The following HTT variants were observed in gnomAD, a reference collection of about 807,000 sequenced individuals.
HTT encodes the protein huntingtin, also known as huntington disease protein.
In HTT, 104 loss-of-function variants were observed where a neutral mutation model predicts 362.3. That is an observed-to-expected ratio of 0.29 (90% CI 0.24 to 0.34). The LOEUF (loss-of-function observed/expected upper bound fraction) is 0.34, where lower values mean the gene tolerates loss of function less well. Among genes scored for constraint, HTT ranks in the 10% least tolerant of loss-of-function variants. HTT has a pLI of 1.00. For synonymous variants in HTT, 1,577 were observed against 1,548.7 expected (o/e 1.02, Z -0.43); for missense variants, 3,301 against 3,928.6 (o/e 0.84, Z 4.27).
intron 21 of HTT, among the ~76,000 whole-genome samples, chr4:3,138,447 G>A (rs780157542): frequency 4.6e-5 from 7 of 151,860 alleles, no homozygotes; most frequent in Admixed American, 3.3e-4. Context: ...ATGCCCTTGC[G>A]TACCCACAGC....
At chr4:3,173,906 C>T (rs1048417134) in intron 31 of HTT, among the ~76,000 whole-genome samples, 2 of 152,036 alleles carry the variant, frequency 1.3e-5, no homozygotes, top group Admixed American at 6.6e-5. Flanking sequence ...CTCCTGACCT[C>T]GTGATCTGCC....
chr4:3,163,988 T>TG (rs1185233703), intron 29 of HTT, among the ~76,000 whole-genome samples: 2 of 152,204 alleles, frequency 1.3e-5, no homozygotes, highest in Non-Finnish European at 2.9e-5. Flanking sequence ...TGTTTGCTCT[T>TG]GCTTTTCTAG....
Position 3,125,684 on chromosome 4 carries a change from C to T in HTT, c.1402+55C>T. On this transcript the variant is annotated intron_variant, in intron 11 of 66. Transcript: ENST00000355072. ...GACCTTCACTGTCTGCCTTCCACCC[C>T]TTGCCCTTCCTGCTCGTCCCCCTGC... The T allele has an allele frequency of 2.4e-6, 3 of 1,257,312 alleles. No homozygotes were observed. In the South Asian group the frequency reaches 3.6e-5, roughly 15 times the overall value. The allele number at this position is 1,257,312 out of a possible 1,614,324, so 77.9% of individuals were successfully genotyped here. A position where few individuals can be genotyped will look rare whatever the true frequency, so the allele number is the denominator to read the frequency against.
intron 26 of HTT, among the ~76,000 whole-genome samples, chr4:3,153,930 A>AG: frequency 6.6e-6 from 1 of 152,256 alleles, no homozygotes; most frequent in East Asian, 1.9e-4. Flanking sequence ...AGAAAAAAAA[A>AG]ATGCTGCTTT....
chr4:3,096,532 A>G (rs187051894), intron 2 of HTT, among the ~76,000 whole-genome samples: 1 of 152,346 alleles, frequency 6.6e-6, no homozygotes, highest in Non-Finnish European at 1.5e-5. Flanking sequence ...TGACCTCAGT[A>G]TCATTAAGTT....
intron 64 of HTT, among the ~76,000 whole-genome samples, chr4:3,237,597 G>A (rs930339194): frequency 6.6e-6 from 1 of 152,106 alleles, no homozygotes; most frequent in Non-Finnish European, 1.5e-5. Context: ...GAGGCACCTC[G>A]CAGCTGACCA....
chr4:3,181,658 A>G (rs937957827), intron 36 of HTT, among the ~76,000 whole-genome samples: 2 of 152,112 alleles, frequency 1.3e-5, no homozygotes, highest in Non-Finnish European at 2.9e-5. Context: ...TATTTTAATG[A>G]ACCCCTGTAG....
chr4:3,148,344 A>C (rs970027018), intron 26 of HTT, 137 bp downstream of exon 26: 1 of 657,014 alleles, frequency 1.5e-6, no homozygotes, highest in African/African-American at 1.8e-5. Context: ...TGTGACACTA[A>C]ATTTAACATC....
chr4:3,105,024 A>AG, intron 4 of HTT, among the ~76,000 whole-genome samples: 1 of 152,206 alleles, frequency 6.6e-6, no homozygotes, highest in Non-Finnish European at 1.5e-5. Flanking sequence ...CACTGAGCAA[A>AG]CTTCACTCTG....
chr4:3,123,037 CT>C, intron 10 of HTT, 101 bp downstream of exon 10: 2 of 869,134 alleles, frequency 2.3e-6, no homozygotes, highest in East Asian at 2.5e-5. Context: ...CTGTATTGGA[CT>C]CTGTGTATAT....
At chr4:3,235,902 C>T in intron 63 of HTT, 124 bp downstream of exon 63, 2 of 818,928 alleles carry the variant, frequency 2.4e-6, no homozygotes, top group South Asian at 1.6e-5. Context: ...TTGCCCCAAG[C>T]CGGCCCCATC....
At chr4:3,101,337 C>T (rs968039774) in intron 3 of HTT, among the ~76,000 whole-genome samples, 4 of 152,128 alleles carry the variant, frequency 2.6e-5, no homozygotes, top group Non-Finnish European at 5.9e-5. Context: ...TTTCCCATGT[C>T]CTCTTCTTTG....
chr4:3,212,125 A>G lies in HTT; in HGVS notation c.6611A>G (p.Lys2204Arg). ...LPAEPAAYWS[K>R]LNDLFGDAAL... ...GCAGAGCCGGCGGCCTACTGGAGCA[A>G]GTTGAATGATCTGTTTGGTAATTAA... The change falls in exon 48 of 67, where the codon AAG (lysine) becomes AGG (arginine). Residue 2204 changes from lysine to arginine, a missense_variant. Transcript: ENST00000355072. The G allele has an allele frequency of 6.2e-7, 1 of 1,613,010 alleles. No homozygotes were observed. The highest frequency in any genetic ancestry group is 8.5e-7 in the Non-Finnish European group (1 of 1,179,046).
chr4:3,174,599 C>A, intron 31 of HTT, 122 bp from the exon 32 acceptor site: 2 of 714,452 alleles, frequency 2.8e-6, no homozygotes, highest in South Asian at 3.5e-5. Flanking sequence ...AGTTGTTTCT[C>A]AATCTGACAC....
Position 3,150,728 on chromosome 4 carries a change from C to T in HTT, c.3498+2521C>T, listed in dbSNP as rs139178989. On this transcript the variant is annotated intron_variant, in intron 26 of 66. Coordinates refer to ENST00000355072, the MANE Select transcript of HTT (RefSeq NM_001388492.1). ...TATACATGCACATATGCAGGGGTCC[C>T]CAACCTCTGTTAAAAACCGGACTGC... Among the ~76,000 whole-genome samples, 8 of 152,272 alleles carry T rather than the reference C, an allele frequency of 5.3e-5. No individual in the cohort carries two copies. In the East Asian group the frequency reaches 1.5e-3, roughly 29 times the overall value.
Position 3,206,928 on chromosome 4 carries a change from T to G in HTT, c.6020T>G (p.Met2007Arg). 1 of 1,614,150 alleles carries G rather than the reference T, an allele frequency of 6.2e-7. No individual in the cohort carries two copies. The highest frequency in any genetic ancestry group is 8.5e-7 in the Non-Finnish European group (1 of 1,180,016). The part of the protein sequence containing the change: ...LCTPFRVLAR[M>R]VDILACRRVE... Reference sequence around the variant, plus strand: ...ACCCCTTTCCGTGTGCTGGCTCGCATGGTCGACATCCTTGCTTGTCGCCGG... The same window carrying G: ...ACCCCTTTCCGTGTGCTGGCTCGCAGGGTCGACATCCTTGCTTGTCGCCGG... Residue 2007 changes from methionine (M) to arginine (R), a missense_variant, in exon 44 of 67, where the codon ATG (methionine) becomes AGG (arginine). Met to Arg is a moderately conservative substitution (Grantham distance 91, BLOSUM62 -1). This residue lies in a region of HTT where 2,316 missense variants were observed against 2,658.5 expected (regional missense o/e 0.87). Transcript: ENST00000355072. This position sits in a 1 kb window ranked among gnomAD's most constrained non-coding sequence, Gnocchi z 4.6.
rs894033187 is a variant in HTT, at chr4:3,114,903, G to A, written c.748-401G>A. 1.6e-4 allele frequency among the ~76,000 whole-genome samples: 25 copies of A among 152,198 alleles called. 1 individual carries two copies. The highest frequency in any genetic ancestry group is 1.2e-3 in the Admixed American group (19 of 15,286). On this transcript the variant is annotated intron_variant, in intron 6 of 66. Coordinates refer to ENST00000355072, the MANE Select transcript of HTT (RefSeq NM_001388492.1). Reference sequence around the variant, plus strand: ...CAGTCCTGAGAACTTCGTGACATTAGCAGGACTTCTACAAGCCATCTCTTA... The same window carrying A: ...CAGTCCTGAGAACTTCGTGACATTAACAGGACTTCTACAAGCCATCTCTTA...
In HTT at chr4:3,130,762, C is replaced by G. The variant is rs1715772190; in HGVS notation, c.1986+339C>G. On this transcript the variant is annotated intron_variant, in intron 14 of 66. Transcript: ENST00000355072. Reference sequence around the variant, plus strand: ...TTCTACTGAACTGTTCTAAAAGTCTCTCTTCATATTATCTTTTTACATGTA... The same window carrying G: ...TTCTACTGAACTGTTCTAAAAGTCTGTCTTCATATTATCTTTTTACATGTA... 2.6e-5 allele frequency among the ~76,000 whole-genome samples: 4 copies of G among 152,100 alleles called. No individual in the cohort carries two copies. The South Asian group carries it at 8.3e-4, about 31-fold the overall frequency.
At chr4:3,193,558 C>G (rs938280561) in intron 40 of HTT, among the ~76,000 whole-genome samples, 4 of 152,172 alleles carry the variant, frequency 2.6e-5, no homozygotes, top group Non-Finnish European at 5.9e-5. Context: ...TGGTCACTGT[C>G]TTATTGCGCT....
Sources: allele counts gnomAD v4.1 joint callset (sites outside exome capture counted in the v4.1 genomes callset), GRCh38; gene constraint gnomAD v4.1.1; regional missense constraint gnomAD v4.1.1; non-coding constraint Gnocchi (gnomAD v3.1); transcripts MANE v1.5; gene names NCBI Gene and HGNC (gene_info 2026-07-23, HGNC 2026-07-21).